PACS2: variants seen among roughly 807,000 people sequenced by gnomAD.
PACS2 encodes the protein PACS1-like protein.
A neutral mutation model predicts 113.0 loss-of-function variants in PACS2; 36 were observed. That is an observed-to-expected ratio of 0.32 (90% CI 0.24 to 0.42). The LOEUF (loss-of-function observed/expected upper bound fraction) is 0.42. PACS2 is among the 10% of genes least tolerant of loss of function. The pLI, the probability that PACS2 is intolerant of heterozygous loss-of-function variation, is 1.00. For missense variants in PACS2, 1,015 were observed against 1,239.5 expected (o/e 0.82, Z 2.72); for synonymous variants, 589 against 536.1 (o/e 1.10, Z -1.36).
At chr14:105,360,885 G>A (rs1190779386) in intron 4 of PACS2, among the ~76,000 whole-genome samples, 11 of 152,064 alleles carry the variant, frequency 7.2e-5, no homozygotes, top group East Asian at 1.9e-4. Flanking sequence ...TTGTCACTCC[G>A]CAGTGTTCAC....
chr14:105,342,576 T>G (rs1275302395), intron 1 of PACS2, among the ~76,000 whole-genome samples: 2 of 151,984 alleles, frequency 1.3e-5, no homozygotes, highest in Admixed American at 1.3e-4. Context: ...CAGTAGAGCT[T>G]CTTGTTTGCA....
chr14:105,320,519 T>G (rs1290548680), intron 1 of PACS2, among the ~76,000 whole-genome samples: 1 of 152,130 alleles, frequency 6.6e-6, no homozygotes, highest in African/African-American at 2.4e-5. Flanking sequence ...AATTTTAAAT[T>G]TTTTGTAGAG....
chr14:105,303,676 G>A (rs893656754), intron 1 of PACS2, among the ~76,000 whole-genome samples: 1 of 152,184 alleles, frequency 6.6e-6, no homozygotes, highest in Non-Finnish European at 1.5e-5. Flanking sequence ...TCAATGTGCT[G>A]TGTTTTCATT....
In PACS2 at chr14:105,330,168, T is replaced by C. The variant is rs2059251546; in HGVS notation, c.119+15131T>C. ...GAGCCTCCGAGAAGCCTGGGGTCCG[T>C]GTGTGGGACGGAACGGGGACAGGGA... On this transcript the variant is annotated intron_variant, in intron 1 of 24. Transcript: ENST00000447393. This position sits in a 1 kb window ranked among gnomAD's most constrained non-coding sequence, Gnocchi z 6.9. Among the ~76,000 whole-genome samples, 1 of 117,814 alleles carries C rather than the reference T, an allele frequency of 8.5e-6. No individual in the cohort carries two copies. Among genetic ancestry groups the C allele is most frequent in the Non-Finnish European group, 1.7e-5 (1 of 57,218 alleles). 77.3% of individuals were successfully genotyped at this position (117,814 alleles called of 152,430 possible).
chr14:105,391,792 GT>G, intron 22 of PACS2, 26 bp downstream of exon 22: 1 of 1,568,096 alleles, frequency 6.4e-7, no homozygotes, highest in Non-Finnish European at 8.6e-7. Flanking sequence ...GGCTCAGCAC[GT>G]TTCACTTACC....
chr14:105,377,412 C>T (rs2080824456), intron 9 of PACS2, among the ~76,000 whole-genome samples: 1 of 151,962 alleles, frequency 6.6e-6, no homozygotes, highest in African/African-American at 2.4e-5. Context: ...GTGGCCTGGC[C>T]TGGGCAGGAG....
At chr14:105,310,902 T>G (rs1239605512), upstream of PACS2, among the ~76,000 whole-genome samples, 1 of 152,228 alleles carries the variant, frequency 6.6e-6, no homozygotes, top group African/African-American at 2.4e-5. Flanking sequence ...GTTTTATATG[T>G]ATAATCACTA....
chr14:105,335,985 G>T (rs1042388940), intron 1 of PACS2, among the ~76,000 whole-genome samples: 1 of 152,226 alleles, frequency 6.6e-6, no homozygotes, highest in Non-Finnish European at 1.5e-5. Flanking sequence ...ATGGCAGGGC[G>T]TGGGCTGAGC....
At position 105,348,995 on chromosome 14, in the gene PACS2, C is replaced by T. The variant is rs1381894428; in HGVS notation, c.207+415C>T. 6.6e-6 allele frequency among the ~76,000 whole-genome samples: 1 copy of T among 152,238 alleles called. No homozygotes were observed. Among genetic ancestry groups the T allele is most frequent in the Non-Finnish European group, 1.5e-5 (1 of 68,034 alleles). ...GGGAGGCGAGGGCCTAGCCAGAACT[C>T]CCAGCCCCTGGTGCCAGGGCCTCTC... On this transcript the variant is annotated intron_variant, in intron 2 of 24. Transcript: ENST00000447393. The surrounding 1 kb of genome is among the most constrained non-coding windows in gnomAD (Gnocchi z 6.4).
In PACS2 at chr14:105,315,663, G is replaced by A. The variant is rs1462680492; in HGVS notation, c.119+626G>A. 1 of 152,292 alleles carries A rather than the reference G, an allele frequency of 6.6e-6. No individual in the cohort carries two copies. The highest frequency in any genetic ancestry group is 1.5e-5 in the Non-Finnish European group (1 of 68,076). The allele number at this position is 152,292 out of a possible 1,614,324, so 9.4% of individuals were successfully genotyped here. A position where few individuals can be genotyped will look rare whatever the true frequency, so the allele number is the denominator to read the frequency against. ...AGACTGGCTGTTCTGCACTTGGTAG[G>A]GGGGCGCCCGGTCGCCCAGCGGTAA... On this transcript the variant is annotated intron_variant, in intron 1 of 24. Transcript: ENST00000447393. This position sits in a 1 kb window ranked among gnomAD's most constrained non-coding sequence, Gnocchi z 4.4.
At chr14:105,359,228 GC>G (rs2060576095) in intron 4 of PACS2, among the ~76,000 whole-genome samples, 1 of 151,650 alleles carries the variant, frequency 6.6e-6, no homozygotes, top group African/African-American at 2.4e-5. Context: ...CTCCAGCCCC[GC>G]AGGCTCTGCC....
chr14:105,376,313 A>T lies in PACS2; in HGVS notation c.802-455A>T, dbSNP rs2080771874. ...GCAGGCCACATGATTCCTTTTGGGT[A>T]GCACTCGGGAAAGGGCAGAATGTAC... On this transcript the variant is annotated intron_variant, in intron 8 of 24. Transcript: ENST00000447393. This position sits in a 1 kb window ranked among gnomAD's most constrained non-coding sequence, Gnocchi z 4.7. 6.6e-6 allele frequency among the ~76,000 whole-genome samples: 1 copy of T among 151,424 alleles called. No homozygotes were observed. The highest frequency in any genetic ancestry group is 6.6e-5 in the Admixed American group (1 of 15,180).
At chr14:105,331,540 C>T (rs587673530) in intron 1 of PACS2, among the ~76,000 whole-genome samples, 1 of 152,202 alleles carries the variant, frequency 6.6e-6, no homozygotes, top group Admixed American at 6.5e-5. Flanking sequence ...TTTCAGCCTC[C>T]TAAAGTGCTG....
At chr14:105,352,684 C>CACG (rs1437560956) in intron 3 of PACS2, among the ~76,000 whole-genome samples, 2 of 142,476 alleles carry the variant, frequency 1.4e-5, no homozygotes, top group Non-Finnish European at 1.5e-5. Flanking sequence ...GGGCGACGGG[C>CACG]CCCGTCATCC....
intron 16 of PACS2, chr14:105,383,788 C>T (rs1247471018): frequency 3.2e-5 from 14 of 443,168 alleles, no homozygotes; most frequent in Admixed American, 8.3e-5. Flanking sequence ...ATAAAGCCAT[C>T]GCCCTCTGAA....
chr14:105,360,363 A>G (rs2141086997), intron 4 of PACS2, among the ~76,000 whole-genome samples: 1 of 152,126 alleles, frequency 6.6e-6, no homozygotes, highest in Non-Finnish European at 1.5e-5. Context: ...AATATGGTGA[A>G]ATGTCGTCTC....
rs587748552 is a variant in PACS2, at chr14:105,365,842, G to C, written c.424-1371G>C. On this transcript the variant is annotated intron_variant, in intron 4 of 24. Transcript: ENST00000447393. The surrounding 1 kb of genome is among the most constrained non-coding windows in gnomAD (Gnocchi z 5.1). ...AGGCGACTCAGGGTGCTGGGGGCCT[G>C]GACAACAGCAGCCTCCAAGTACGTG... is the stretch of plus-strand genomic sequence containing the variant. 5.3e-5 allele frequency among the ~76,000 whole-genome samples: 8 copies of C among 152,340 alleles called. No individual in the cohort carries two copies. The highest frequency in any genetic ancestry group is 2.1e-4 in the South Asian group (1 of 4,832).
In PACS2 at chr14:105,317,924, T is replaced by G. The variant is rs1177260052; in HGVS notation, c.119+2887T>G. 6.6e-6 allele frequency among the ~76,000 whole-genome samples: 1 copy of G among 152,166 alleles called. No homozygotes were observed. Among genetic ancestry groups the G allele is most frequent in the African/African-American group, 2.4e-5 (1 of 41,426 alleles). On this transcript the variant is annotated intron_variant, in intron 1 of 24. Transcript: ENST00000447393. The surrounding 1 kb of genome is among the most constrained non-coding windows in gnomAD (Gnocchi z 4.2). ...TGCTCCGGGTTTCCTTGCGACGCTT[T>G]TGGCTCAGCACTGTTACACACGGTG...
chr14:105,305,066 T>A (rs1385488787), intron 1 of PACS2, among the ~76,000 whole-genome samples: 1 of 152,038 alleles, frequency 6.6e-6, no homozygotes, highest in Non-Finnish European at 1.5e-5. Flanking sequence ...GGAGATGAGG[T>A]CATGAGGGCT....
Sources: allele counts gnomAD v4.1 joint callset (sites outside exome capture counted in the v4.1 genomes callset), GRCh38; gene constraint gnomAD v4.1.1; non-coding constraint Gnocchi (gnomAD v3.1); transcripts MANE v1.5; gene names NCBI Gene and HGNC (gene_info 2026-07-23, HGNC 2026-07-21).